The following ASTN2 variants were observed in gnomAD, a reference collection of about 807,000 sequenced individuals.
ASTN2 encodes astrotactin-2.
ASTN2 carries 54 observed loss-of-function variants against 139.8 expected under a neutral mutation model. The ratio of observed to expected loss-of-function variants is 0.39; its 90% CI spans 0.31 to 0.48. The LOEUF (loss-of-function observed/expected upper bound fraction) is 0.48, where lower values mean the gene tolerates loss of function less well. ASTN2 is among the 20% of genes least tolerant of loss of function. The pLI is 0.95. For missense variants in ASTN2, 1,565 were observed against 1,725.1 expected (o/e 0.91, Z 1.64); for synonymous variants, 756 against 719.5 (o/e 1.05, Z -0.81).
At chr9:116,520,785 T>C (rs1477595317) in intron 19 of ASTN2, among the ~76,000 whole-genome samples, 2 of 152,080 alleles carry the variant, frequency 1.3e-5, no homozygotes, top group Non-Finnish European at 2.9e-5. Flanking sequence ...CTAGAACTGG[T>C]AAATGAATTC....
intron 7 of ASTN2, among the ~76,000 whole-genome samples, chr9:116,997,377 A>AT (rs952206709): frequency 1.3e-5 from 2 of 152,180 alleles, no homozygotes; most frequent in African/African-American, 4.8e-5. Context: ...CCAAACAGAG[A>AT]TAAAAAGTAG....
At chr9:116,952,942 G>A (rs1271858481) in intron 10 of ASTN2, among the ~76,000 whole-genome samples, 1 of 152,188 alleles carries the variant, frequency 6.6e-6, no homozygotes, top group Admixed American at 6.5e-5. Context: ...CCCTCTGACA[G>A]GGATCCAGGT....
intron 19 of ASTN2, among the ~76,000 whole-genome samples, chr9:116,614,264 G>C (rs557801123): frequency 6.6e-6 from 1 of 152,250 alleles, no homozygotes; most frequent in African/African-American, 2.4e-5. Flanking sequence ...TCATGGATAG[G>C]AAGAATCAAT....
chr9:116,432,682 C>A lies in ASTN2; in HGVS notation c.3783-6594G>T, dbSNP rs185963572. ...GGATTACTCATGCCTGTAATCCCAGCACTTTGGGAGGCTAAGGTGGGCGGA... is the reference window on the plus strand; with the variant it reads ...GGATTACTCATGCCTGTAATCCCAGAACTTTGGGAGGCTAAGGTGGGCGGA... On this transcript the variant is annotated intron_variant, in intron 22 of 22. Coordinates refer to ENST00000313400, the MANE Select transcript of ASTN2 (RefSeq NM_001365068.1). 3.8e-3 allele frequency among the ~76,000 whole-genome samples: 580 copies of A among 152,276 alleles called. 3 individuals carry two copies. The highest frequency in any genetic ancestry group is 0.013 in the African/African-American group (551 of 41,552).
At chr9:117,410,302 G>A (rs993403404) in intron 1 of ASTN2, among the ~76,000 whole-genome samples, 2 of 152,186 alleles carry the variant, frequency 1.3e-5, no homozygotes, top group African/African-American at 4.8e-5. Flanking sequence ...CTGGAGGTAA[G>A]TGAGGACTGA....
intron 1 of ASTN2, among the ~76,000 whole-genome samples, chr9:117,320,868 T>C (rs1828304097): frequency 6.6e-6 from 1 of 152,200 alleles, no homozygotes; most frequent in Non-Finnish European, 1.5e-5. Context: ...CATCCCAGCC[T>C]GGGACAAATG....
At chr9:117,413,258 G>T (rs1261717375) in intron 1 of ASTN2, among the ~76,000 whole-genome samples, 1 of 152,272 alleles carries the variant, frequency 6.6e-6, no homozygotes, top group African/African-American at 2.4e-5. Flanking sequence ...TATTCTGTGG[G>T]TCTTTTCAGG....
chr9:117,048,002 C>T lies in ASTN2; in HGVS notation c.1277-8037G>A, dbSNP rs573048555. ...TGTTTCTACTATCACTCACATTTTTCGCTATGAGGAAACTGAGGCCATCAC... is the reference window on the plus strand; with the variant it reads ...TGTTTCTACTATCACTCACATTTTTTGCTATGAGGAAACTGAGGCCATCAC... On this transcript the variant is annotated intron_variant, in intron 5 of 22. Transcript: ENST00000313400. 1.7e-4 allele frequency among the ~76,000 whole-genome samples: 26 copies of T among 152,202 alleles called. 1 individual carries two copies. Among genetic ancestry groups the T allele is most frequent in the South Asian group, 1.2e-3 (6 of 4,812 alleles).
chr9:116,533,703 G>A (rs1013625078), intron 19 of ASTN2, among the ~76,000 whole-genome samples: 14 of 152,214 alleles, frequency 9.2e-5, no homozygotes, highest in Admixed American at 3.3e-4. Flanking sequence ...GCATCCCAGG[G>A]ATGAAGCCCA....
chr9:116,590,029 G>A (rs1854315277), intron 19 of ASTN2, among the ~76,000 whole-genome samples: 1 of 152,216 alleles, frequency 6.6e-6, no homozygotes, highest in Non-Finnish European at 1.5e-5. Flanking sequence ...ACTAATGGCA[G>A]TGGCAGCCCA....
At chr9:116,618,784 C>T (rs78028184) in intron 18 of ASTN2, among the ~76,000 whole-genome samples, 8,578 of 152,196 alleles carry the variant, frequency 0.056, 441 homozygotes, top group Admixed American at 0.18. Flanking sequence ...ATATTCTCAA[C>T]GATGCTTCAC....
chr9:116,504,425 G>A (rs1259575231), intron 19 of ASTN2: 1 of 152,054 alleles, frequency 6.6e-6, no homozygotes, highest in Admixed American at 6.6e-5. Flanking sequence ...ACTTTCTGAG[G>A]TCTAAGAAGA....
intron 3 of ASTN2, among the ~76,000 whole-genome samples, chr9:117,166,434 C>G (rs1402221393): frequency 6.6e-6 from 1 of 152,046 alleles, no homozygotes; most frequent in Non-Finnish European, 1.5e-5. Flanking sequence ...CATGACTTTC[C>G]ACTGCTTTTA....
At chr9:116,439,193 C>CTTTTTTTTTTT (rs1564277528) in intron 22 of ASTN2, among the ~76,000 whole-genome samples, 1 of 102,780 alleles carries the variant, frequency 9.7e-6, no homozygotes, top group Non-Finnish European at 1.9e-5. Flanking sequence ...TATTCAAATA[C>CTTTTTTTTTTT]ATTTTTTTTT....
chr9:116,831,457 C>T (rs1831812055), intron 11 of ASTN2, among the ~76,000 whole-genome samples: 1 of 152,140 alleles, frequency 6.6e-6, no homozygotes, highest in South Asian at 2.1e-4. Context: ...TCACCAAACA[C>T]CTACCTACTC....
intron 16 of ASTN2, among the ~76,000 whole-genome samples, chr9:116,680,510 C>T (rs987393320): frequency 3.3e-5 from 5 of 152,156 alleles, no homozygotes; most frequent in African/African-American, 1.2e-4. Context: ...GGGAATCCTC[C>T]CTAACTCATT....
rs1173408307 is a variant in ASTN2, at chr9:116,886,537, A to ATTG, written c.1890-22805_1890-22804insCAA. ...CAGGCATGTGCCACTACACCTGGCT[A>ATTG]ATGTTGTTGTTGTTGAGATGGGTTT... On this transcript the variant is annotated intron_variant, in intron 10 of 22. Coordinates refer to ENST00000313400, the MANE Select transcript of ASTN2 (RefSeq NM_001365068.1). Among the ~76,000 whole-genome samples, 19 of 9,402 alleles carry ATTG rather than the reference A, an allele frequency of 2.0e-3. 1 individual carries two copies. The Admixed American group carries it at 0.036, about 18-fold the overall frequency. The allele number at this position is 9,402 out of a possible 152,430, so 6.2% of individuals were successfully genotyped here.
rs553450646 is a variant in ASTN2 at position 116,604,609 on chromosome 9, G to A, written c.3355+13715C>T. ...TCAGCCATGGCCCACACTGCATGAG[G>A]AACTAAGAGTAAATTCCACAAGATT... On this transcript the variant is annotated intron_variant, in intron 19 of 22. Transcript: ENST00000313400. 1.3e-3 allele frequency among the ~76,000 whole-genome samples: 196 copies of A among 152,270 alleles called. 1 individual carries two copies. The highest frequency in any genetic ancestry group is 4.6e-3 in the African/African-American group (191 of 41,544).
chr9:116,967,159 T>A (rs1366706798), intron 10 of ASTN2, among the ~76,000 whole-genome samples: 1 of 152,206 alleles, frequency 6.6e-6, no homozygotes, highest in Non-Finnish European at 1.5e-5. Context: ...TCAATAAATG[T>A]TAGTCATTAG....
Sources: gnomAD v4.1 joint callset for allele counts (sites outside exome capture counted in the v4.1 genomes callset) on GRCh38, gnomAD v4.1.1 for gene constraint, MANE v1.5 for transcripts, NCBI Gene and HGNC (gene_info 2026-07-23, HGNC 2026-07-21) for gene names.